The following SPATA16 variants were observed in gnomAD, a reference collection of about 807,000 sequenced individuals.
SPATA16 encodes the protein spermatogenesis associated 16.
SPATA16 carries 36 observed loss-of-function variants against 63.3 expected under a neutral mutation model. The observed-to-expected ratio is 0.57, with a 90% CI of 0.44 to 0.75. The LOEUF (loss-of-function observed/expected upper bound fraction) is 0.75. SPATA16 is among the 30% of genes least tolerant of loss of function. The pLI is 0.00. For missense variants in SPATA16, 646 were observed against 679.3 expected, an observed-to-expected ratio of 0.95 and a Z score of 0.54; for synonymous variants, 203 against 216.7, an observed-to-expected ratio of 0.94 and a Z score of 0.56.
intron 6 of SPATA16, among the ~76,000 whole-genome samples, chr3:172,946,231 CTTGGGTGAAATCCAGGCCTATA>C (rs1733283401): frequency 6.6e-6 from 1 of 152,138 alleles, no homozygotes; most frequent in African/African-American, 2.4e-5. Context: ...CACCGGGCAC[CTTGGGTGAAATCCAGGCCTATA>C]CTGGATTCAG....
At chr3:173,125,973 A>G (rs1577188645) in intron 1 of SPATA16, among the ~76,000 whole-genome samples, 1 of 152,198 alleles carries the variant, frequency 6.6e-6, no homozygotes, top group South Asian at 2.1e-4. Flanking sequence ...TTAGGCAATC[A>G]CCTAAATGTA....
intron 6 of SPATA16, among the ~76,000 whole-genome samples, chr3:172,944,979 A>G (rs1733246193): frequency 6.6e-6 from 1 of 152,194 alleles, no homozygotes; most frequent in Non-Finnish European, 1.5e-5. Flanking sequence ...AAAATGGTAC[A>G]TTTTACATTG....
intron 6 of SPATA16, among the ~76,000 whole-genome samples, chr3:172,943,148 TAAAAG>T (rs542012840): frequency 6.6e-6 from 1 of 151,826 alleles, no homozygotes; most frequent in Admixed American, 6.6e-5. Flanking sequence ...AAACAGGACA[TAAAAG>T]AAATAATAAA....
Position 172,933,987 on chromosome 3 carries a change from G to A in SPATA16, c.1082-8495C>T, listed in dbSNP as rs1560071510. Among the ~76,000 whole-genome samples the A allele has an allele frequency of 2.6e-5, 4 of 152,152 alleles. No homozygotes were observed. The South Asian group carries it at 8.3e-4, about 32-fold the overall frequency. On this transcript the variant is annotated intron_variant, in intron 6 of 10. Transcript: ENST00000351008. Reference sequence around the variant, plus strand: ...ATTACTTTTTACAGCTAGCACAAAGGTAGCAATATTGAATACATCCTGGTG... The same window carrying A: ...ATTACTTTTTACAGCTAGCACAAAGATAGCAATATTGAATACATCCTGGTG...
chr3:172,895,781 G>A (rs1731995881), intron 10 of SPATA16, among the ~76,000 whole-genome samples: 1 of 152,088 alleles, frequency 6.6e-6, no homozygotes, highest in South Asian at 2.1e-4. Context: ...ATATTCCATG[G>A]TATGAATTTA....
chr3:173,018,510 A>G (rs1257114089), intron 4 of SPATA16, among the ~76,000 whole-genome samples: 1 of 152,122 alleles, frequency 6.6e-6, no homozygotes, highest in African/African-American at 2.4e-5. Context: ...TCCCGACCTC[A>G]GGTGATCCAC....
At chr3:173,134,425 G>T (rs1738477036) in intron 1 of SPATA16, among the ~76,000 whole-genome samples, 1 of 151,596 alleles carries the variant, frequency 6.6e-6, no homozygotes, top group African/African-American at 2.4e-5. Context: ...GGAGGAGGAG[G>T]TTGCAATGAG....
intron 2 of SPATA16, among the ~76,000 whole-genome samples, chr3:173,068,259 A>G (rs1321455420): frequency 2.8e-4 from 42 of 152,204 alleles, no homozygotes. Flanking sequence ...TAAAAGACAA[A>G]CCTATCAAAA....
At chr3:172,972,878 A>G (rs576434361) in intron 5 of SPATA16, among the ~76,000 whole-genome samples, 1 of 152,194 alleles carries the variant, frequency 6.6e-6, no homozygotes, top group African/African-American at 2.4e-5. Context: ...AATTGCCGAC[A>G]TAGATAGCGT....
chr3:172,947,282 T>G (rs1268304181), intron 6 of SPATA16, among the ~76,000 whole-genome samples: 1 of 152,108 alleles, frequency 6.6e-6, no homozygotes. Flanking sequence ...AATAAACACT[T>G]CTTTAATAAC....
chr3:173,063,856 G>T (rs962957628), intron 2 of SPATA16, among the ~76,000 whole-genome samples: 1 of 152,156 alleles, frequency 6.6e-6, no homozygotes, highest in Non-Finnish European at 1.5e-5. Context: ...GCTTATAAAA[G>T]AAAAACTTCA....
At chr3:172,983,485 T>C (rs1734369340) in intron 4 of SPATA16, among the ~76,000 whole-genome samples, 1 of 152,192 alleles carries the variant, frequency 6.6e-6, no homozygotes, top group Non-Finnish European at 1.5e-5. Context: ...TGTAATTGTA[T>C]AGGTACTTCT....
intron 2 of SPATA16, among the ~76,000 whole-genome samples, chr3:173,066,016 C>G (rs950614115): frequency 2.0e-5 from 3 of 152,126 alleles, no homozygotes; most frequent in African/African-American, 7.2e-5. Context: ...CCATGGTAGT[C>G]AAGGGAATGC....
At chr3:173,041,606 T>C (rs998215361) in intron 3 of SPATA16, among the ~76,000 whole-genome samples, 6 of 152,150 alleles carry the variant, frequency 3.9e-5, no homozygotes, top group Non-Finnish European at 8.8e-5. Flanking sequence ...TAGTAGCCTA[T>C]ATATTTGTTC....
At chr3:173,103,637 C>T (rs1737547067) in intron 2 of SPATA16, among the ~76,000 whole-genome samples, 1 of 152,222 alleles carries the variant, frequency 6.6e-6, no homozygotes, top group East Asian at 1.9e-4. Context: ...CAGTGGGGCA[C>T]TGGCTCTAGG....
chr3:172,965,327 T>A (rs1392837864), intron 5 of SPATA16, among the ~76,000 whole-genome samples: 3 of 152,200 alleles, frequency 2.0e-5, no homozygotes, highest in Non-Finnish European at 2.9e-5. Context: ...TGTCCAGCAC[T>A]AAGATAGGAT....
chr3:173,064,440 A>G (rs1405833515), intron 2 of SPATA16, among the ~76,000 whole-genome samples: 1 of 152,036 alleles, frequency 6.6e-6, no homozygotes, highest in African/African-American at 2.4e-5. Flanking sequence ...AGCAGTATTA[A>G]GTATTTTGGC....
chr3:172,950,747 A>G lies in SPATA16; in HGVS notation c.1081+5930T>C, dbSNP rs139226796. Among the ~76,000 whole-genome samples the G allele has an allele frequency of 8.0e-4, 122 of 152,290 alleles. No individual in the cohort carries two copies. The Middle Eastern group carries it at 0.01, about 13-fold the overall frequency. ...TTTTAAAGGTCTAATTTAAAACAAT[A>G]TATTATTTATGCGAACATACATATT... On this transcript the variant is annotated intron_variant, in intron 6 of 10. Transcript: ENST00000351008.
At chr3:172,944,229 AC>A (rs762022231) in intron 6 of SPATA16, among the ~76,000 whole-genome samples, 8 of 152,274 alleles carry the variant, frequency 5.3e-5, no homozygotes, top group Non-Finnish European at 8.8e-5. Context: ...TTCGAAGAAG[AC>A]ATAAAAATGG....
Sources: allele counts gnomAD v4.1 joint callset (sites outside exome capture counted in the v4.1 genomes callset), GRCh38; gene constraint gnomAD v4.1.1; transcripts MANE v1.5; gene names NCBI Gene and HGNC (gene_info 2026-07-23, HGNC 2026-07-21).